Variants in GAS6 observed in about 807,000 individuals in gnomAD.
GAS6 encodes the protein growth arrest specific 6, also known as growth arrest-specific protein 6.
Under a neutral mutation model 75.8 loss-of-function variants are expected in GAS6, and 41 were observed. The ratio of observed to expected loss-of-function variants is 0.54; its 90% CI spans 0.42 to 0.70. The LOEUF is 0.70. Ranked by LOEUF, GAS6 falls within the 30% of genes least tolerant of loss-of-function variation. The probability of loss-of-function intolerance (pLI) is 0.00; values close to 1 mark genes in which losing one functional copy is unlikely to be tolerated. For missense variants in GAS6, 854 were observed against 940.2 expected (o/e 0.91, Z 1.20); for synonymous variants, 432 against 412.6 (o/e 1.05, Z -0.57).
At chr13:113,859,963 T>G (rs1015223027) in intron 2 of GAS6, among the ~76,000 whole-genome samples, 1 of 152,192 alleles carries the variant, frequency 6.6e-6, no homozygotes, top group Admixed American at 6.5e-5. Flanking sequence ...GGTTTTCATT[T>G]CCATAAAGGG....
At position 113,855,155 on chromosome 13, in the gene GAS6, C is replaced by A. The variant is rs141452902; in HGVS notation, c.256-7105G>T. Reference sequence around the variant, plus strand: ...TTCTGCAGTTAGAGCCGTGTGGACTCGGTCCCCATCTCCGGTGAGGGCGTC... The same window carrying A: ...TTCTGCAGTTAGAGCCGTGTGGACTAGGTCCCCATCTCCGGTGAGGGCGTC... On this transcript the variant is annotated intron_variant, in intron 2 of 14. Coordinates refer to ENST00000327773, the MANE Select transcript of GAS6 (RefSeq NM_000820.4). Among the ~76,000 whole-genome samples, 15 of 151,674 alleles carry A rather than the reference C, an allele frequency of 9.9e-5. No individual in the cohort carries two copies. In the South Asian group the frequency reaches 2.9e-3, roughly 30 times the overall value.
In GAS6 at chr13:113,850,301, C is replaced by A. The variant is rs577873823; in HGVS notation, c.256-2251G>T. Among the ~76,000 whole-genome samples the A allele has an allele frequency of 3.3e-5, 5 of 152,236 alleles. No individual in the cohort carries two copies. In the South Asian group the frequency reaches 1.0e-3, roughly 32 times the overall value. ...TCTCCAGAGCAGCACCCCCAGGAGT[C>A]CCCATGGAGCAGAGGCCACCACTCA... On this transcript the variant is annotated intron_variant, in intron 2 of 14. Transcript: ENST00000327773.
chr13:113,821,229 G>A (rs2051453777), intron 14 of GAS6: 5 of 592,856 alleles, frequency 8.4e-6, no homozygotes, highest in Admixed American at 2.9e-5. Context: ...CTCTGCAGAC[G>A]CCAGCCCTCC....
At chr13:113,846,265 A>T (rs1220788560) in intron 4 of GAS6, among the ~76,000 whole-genome samples, 1 of 152,218 alleles carries the variant, frequency 6.6e-6, no homozygotes, top group Non-Finnish European at 1.5e-5. Context: ...TGACTGGACG[A>T]CTCAGAGGCG....
At chr13:113,850,717 C>T (rs192200046) in intron 2 of GAS6, among the ~76,000 whole-genome samples, 38 of 152,004 alleles carry the variant, frequency 2.5e-4, no homozygotes, top group Middle Eastern at 3.4e-3. Flanking sequence ...TGGATGAGTG[C>T]GTGAAAGAAT....
chr13:113,850,976 T>A (rs1013126456), intron 2 of GAS6, among the ~76,000 whole-genome samples: 2 of 151,812 alleles, frequency 1.3e-5, no homozygotes, highest in Non-Finnish European at 2.9e-5. Context: ...AGTGGATGGG[T>A]GAATAACCAG....
chr13:113,832,843 G>T (rs776003979), intron 8 of GAS6, 91 bp from the exon 9 acceptor site: 1 of 1,594,654 alleles, frequency 6.3e-7, no homozygotes, highest in East Asian at 2.2e-5. Context: ...CGGGTCCACT[G>T]TCCCTCCTGT....
intron 4 of GAS6, chr13:113,841,462 G>GTACGCCCCACAGTTTCCTCCA (rs2051775052): frequency 1.0e-5 from 1 of 98,080 alleles, no homozygotes; most frequent in Non-Finnish European, 2.3e-5. Flanking sequence ...CGTTTCCTCC[G>GTACGCCCCACAGTTTCCTCCA]TATGCCCCAG....
chr13:113,833,649 G>A (rs976395891), intron 8 of GAS6: 2 of 1,008,314 alleles, frequency 2.0e-6, no homozygotes, highest in Non-Finnish European at 1.2e-6. Flanking sequence ...AGTGTGACAG[G>A]CACCAGTGTG....
In GAS6 at chr13:113,832,309, A is replaced by C; in HGVS notation, c.1133T>G (p.Met378Arg). ...TSSGPVINHG[M>R]WQTISVEELA... ...CTGCCGCACACTCACTGTCTGCCACATGCCATGGTTGATGACCGGGCCGCT... is the reference window on the plus strand; with the variant it reads ...CTGCCGCACACTCACTGTCTGCCACCTGCCATGGTTGATGACCGGGCCGCT... The change falls in exon 10 of 15, where the codon ATG (methionine) becomes AGG (arginine). Residue 378 changes from methionine to arginine, a missense_variant. Transcript: ENST00000327773. The C allele has an allele frequency of 1.3e-6, 2 of 1,598,692 alleles. No individual in the cohort carries two copies. Among genetic ancestry groups the C allele is most frequent in the Non-Finnish European group, 1.7e-6 (2 of 1,179,742 alleles).
At chr13:113,853,441 T>C (rs1286629345) in intron 2 of GAS6, among the ~76,000 whole-genome samples, 1 of 152,232 alleles carries the variant, frequency 6.6e-6, no homozygotes. Flanking sequence ...AAACACCCGA[T>C]GTCAGTCCTG....
In GAS6 at chr13:113,832,315, T is replaced by C. The variant is rs944452622; in HGVS notation, c.1127A>G (p.His376Arg). Residue 376 changes from histidine to arginine, a missense_variant, in exon 10 of 15, where the codon CAT becomes CGT. His to Arg is a conservative substitution (Grantham distance 29). Coordinates refer to ENST00000327773, the MANE Select transcript of GAS6 (RefSeq NM_000820.4). ...RVTSSGPVIN[H>R]GMWQTISVEE... The stretch of plus-strand genomic sequence containing the variant: ...CACACTCACTGTCTGCCACATGCCA[T>C]GGTTGATGACCGGGCCGCTGCTGGT... 4.4e-6 allele frequency: 7 copies of C among 1,599,514 alleles called. No homozygotes were observed. The highest frequency in any genetic ancestry group is 1.1e-5 in the South Asian group (1 of 91,016).
chr13:113,864,059 A>G lies in GAS6; in HGVS notation c.-139T>C. The stretch of plus-strand genomic sequence containing the variant: ...CGGCGGCGGCGGCGGCGGCTGCGGC[A>G]CCTCAAGCGCTCGGTCTGGGCGTGT... On this transcript the variant is annotated 5_prime_UTR_variant, in exon 1 of 15. Transcript: ENST00000327773. 1 of 880,762 alleles carries G rather than the reference A, an allele frequency of 1.1e-6. No individual in the cohort carries two copies. The highest frequency in any genetic ancestry group is 5.1e-5 in the South Asian group (1 of 19,574). The allele number at this position is 880,762 out of a possible 1,614,324, so 54.6% of individuals were successfully genotyped here. A position where few individuals can be genotyped will look rare whatever the true frequency, so the allele number is the denominator to read the frequency against.
In GAS6 at chr13:113,826,982, G is replaced by A. The variant is rs764762914; in HGVS notation, c.1477+14C>T. On this transcript the variant is annotated intron_variant, in intron 12 of 14. Transcript: ENST00000327773. ...GCAGCCACAGCCACCCCAACGGTAA[G>A]AGCCAAGACTTACTGTAGTCCAGGC... 3 of 1,609,974 alleles carry A rather than the reference G, an allele frequency of 1.9e-6. No individual in the cohort carries two copies. The highest frequency in any genetic ancestry group is 1.1e-5 in the South Asian group (1 of 90,960).
chr13:113,828,352 T>C (rs751441358), intron 11 of GAS6, among the ~76,000 whole-genome samples, 195 bp downstream of exon 11: 8 of 152,284 alleles, frequency 5.3e-5, no homozygotes, highest in Non-Finnish European at 1.0e-4. Context: ...TTAGGTCTCA[T>C]AAAAAGAGAT....
intron 11 of GAS6, among the ~76,000 whole-genome samples, chr13:113,828,176 A>G (rs905688183): frequency 2.0e-5 from 3 of 152,208 alleles, no homozygotes; most frequent in Admixed American, 6.5e-5. Flanking sequence ...AGGCAGGAGA[A>G]TGGCGTGAAC....
chr13:113,856,692 T>C (rs1252571550), intron 2 of GAS6, among the ~76,000 whole-genome samples: 2 of 151,996 alleles, frequency 1.3e-5, no homozygotes, highest in Admixed American at 6.5e-5. Context: ...TTCCCACAAG[T>C]GTAAAAAGGA....
At chr13:113,826,014 G>A (rs1209971717) in intron 12 of GAS6, among the ~76,000 whole-genome samples, 1 of 152,192 alleles carries the variant, frequency 6.6e-6, no homozygotes, top group Non-Finnish European at 1.5e-5. Flanking sequence ...CAGGAATAGG[G>A]CAGGGCTGTG....
At chr13:113,831,520 A>G (rs2051630363) in intron 10 of GAS6, among the ~76,000 whole-genome samples, 1 of 151,126 alleles carries the variant, frequency 6.6e-6, no homozygotes, top group African/African-American at 2.4e-5. Flanking sequence ...TCTGTTCCCC[A>G]CTCTGCTCGG....
Sources: allele counts gnomAD v4.1 joint callset (sites outside exome capture counted in the v4.1 genomes callset), GRCh38; gene constraint gnomAD v4.1.1; transcripts MANE v1.5; gene names NCBI Gene and HGNC (gene_info 2026-07-23, HGNC 2026-07-21).